CFAP61: variants seen among roughly 807,000 people sequenced by gnomAD.
CFAP61 encodes the protein cilia- and flagella-associated protein 61.
In CFAP61, 107 loss-of-function variants were observed where a neutral mutation model predicts 135.6. The ratio of observed to expected loss-of-function variants is 0.79; its 90% CI spans 0.67 to 0.93. The LOEUF (loss-of-function observed/expected upper bound fraction) is 0.93, where lower values mean the gene tolerates loss of function less well. Ranked by LOEUF, CFAP61 falls within the 40% of genes least tolerant of loss-of-function variation. The probability of loss-of-function intolerance (pLI) is 0.00; values close to 1 mark genes in which losing one functional copy is unlikely to be tolerated. For synonymous variants in CFAP61, 575 were observed against 578.5 expected (o/e 0.99, Z 0.09); for missense variants, 1,507 against 1,556.2 (o/e 0.97, Z 0.53).
intron 8 of CFAP61, among the ~76,000 whole-genome samples, chr20:20,115,631 CTCTCCACCTTCATAGA>C (rs1372124496): frequency 6.6e-6 from 1 of 152,138 alleles, no homozygotes; most frequent in African/African-American, 2.4e-5. Context: ...CACCAATCTA[CTCTCCACCTTCATAGA>C]TCCATTTTTT....
At chr20:20,074,254 C>A (rs2045912600) in intron 3 of CFAP61, 48 bp from the exon 4 acceptor site, 2 of 1,520,374 alleles carry the variant, frequency 1.3e-6, no homozygotes, top group Non-Finnish European at 1.8e-6. Flanking sequence ...GCTGACCTAG[C>A]CCGAATACTG....
intron 25 of CFAP61, among the ~76,000 whole-genome samples, chr20:20,313,750 G>A (rs2056958867): frequency 6.6e-6 from 1 of 152,200 alleles, no homozygotes; most frequent in African/African-American, 2.4e-5. Flanking sequence ...AATTTGTAAA[G>A]ACGAGGTTTA....
At chr20:20,090,688 C>CAA (rs138798717) in intron 6 of CFAP61, among the ~76,000 whole-genome samples, 156 bp from the exon 7 acceptor site, 21 of 102,886 alleles carry the variant, frequency 2.0e-4, no homozygotes, top group Non-Finnish European at 2.9e-4. Flanking sequence ...GACTCCCTCT[C>CAA]AAAAAAAAAA....
intron 8 of CFAP61, among the ~76,000 whole-genome samples, chr20:20,108,369 C>T (rs2048556175): frequency 6.6e-6 from 1 of 151,986 alleles, no homozygotes; most frequent in Non-Finnish European, 1.5e-5. Context: ...TAAAAATGAA[C>T]AAACAAAAAA....
intron 25 of CFAP61, among the ~76,000 whole-genome samples, chr20:20,340,575 T>C (rs2058403129): frequency 6.6e-6 from 1 of 151,800 alleles, no homozygotes; most frequent in Admixed American, 6.6e-5. Flanking sequence ...GAGCAGAGTT[T>C]AAAGGCGCCG....
At chr20:20,239,066 T>C (rs1461008197) in intron 18 of CFAP61, among the ~76,000 whole-genome samples, 1 of 152,210 alleles carries the variant, frequency 6.6e-6, no homozygotes, top group East Asian at 1.9e-4. Flanking sequence ...ATCTGAGCTT[T>C]ATCTGTGGTT....
intron 16 of CFAP61, among the ~76,000 whole-genome samples, chr20:20,197,623 A>T (rs980302262): frequency 6.6e-6 from 1 of 150,836 alleles, no homozygotes; most frequent in Non-Finnish European, 1.5e-5. Context: ...ACATATACTC[A>T]CCCCCCTCCC....
chr20:20,331,476 A>T (rs1289218278), intron 25 of CFAP61, among the ~76,000 whole-genome samples: 2 of 110,688 alleles, frequency 1.8e-5, no homozygotes, highest in Non-Finnish European at 3.7e-5. Flanking sequence ...ATTTGCTGAA[A>T]GAGAATTATT....
chr20:20,244,929 A>G (rs2050322960), intron 18 of CFAP61, among the ~76,000 whole-genome samples: 1 of 152,340 alleles, frequency 6.6e-6, no homozygotes, highest in Admixed American at 6.5e-5. Context: ...ACAAATCTCT[A>G]GGGCAGGGGC....
At chr20:20,139,798 G>C (rs371941259) in intron 8 of CFAP61, among the ~76,000 whole-genome samples, 1 of 152,206 alleles carries the variant, frequency 6.6e-6, no homozygotes, top group South Asian at 2.1e-4. Flanking sequence ...ACCATTGACA[G>C]TTAAGTCACC....
In CFAP61 at chr20:20,277,388, G is replaced by C. The variant is rs374076307; in HGVS notation, c.2726G>C (p.Gly909Ala). The C allele has an allele frequency of 3.1e-6, 5 of 1,614,058 alleles. No individual in the cohort carries two copies. The highest frequency in any genetic ancestry group is 4.2e-6 in the Non-Finnish European group (5 of 1,180,030). ...GCGATCCTGGCCCAGTGGAATGACG[G>C]CCTGCACCCAGACCCCATCTACAGC... is the stretch of plus-strand genomic sequence containing the variant. Reference protein sequence around the residue: ...RDAILAQWNDGLHPDPIYSAS... With the variant: ...RDAILAQWNDALHPDPIYSAS... The change falls in exon 22 of 27, where the codon GGC (glycine) becomes GCC (alanine). Residue 909 changes from glycine to alanine, a missense_variant. Physicochemically the swap from Gly to Ala is moderately conservative, Grantham distance 60. Transcript: ENST00000245957.
chr20:20,270,719 AC>A (rs2053272746), intron 21 of CFAP61, among the ~76,000 whole-genome samples: 1 of 148,080 alleles, frequency 6.8e-6, no homozygotes, highest in Non-Finnish European at 1.5e-5. Context: ...TGTCTCTGTC[AC>A]CCCCCAGTGG....
chr20:20,098,698 T>A lies in CFAP61; in HGVS notation c.743T>A (p.Val248Glu). 1 of 1,610,204 alleles carries A rather than the reference T, an allele frequency of 6.2e-7. No individual in the cohort carries two copies. Among genetic ancestry groups the A allele is most frequent in the Non-Finnish European group, 8.5e-7 (1 of 1,179,294 alleles). ...GGGTTCATGAGTGTGTGCTCAAGAGTGAACATGCAACTGCTGCATGAGTGC... is the reference window on the plus strand; with the variant it reads ...GGGTTCATGAGTGTGTGCTCAAGAGAGAACATGCAACTGCTGCATGAGTGC... ...AVGFMSVCSR[V>E]NMQLLHECFD... The change falls in exon 8 of 27, where the codon GTG becomes GAG. Residue 248 changes from valine to glutamate, a missense_variant. Val to Glu is a moderately radical substitution (Grantham distance 121). Transcript: ENST00000245957.
chr20:20,342,606 G>A (rs557070683), intron 26 of CFAP61, among the ~76,000 whole-genome samples: 8 of 152,302 alleles, frequency 5.3e-5, no homozygotes, highest in African/African-American at 1.4e-4. Context: ...AAGTGCCGGG[G>A]CCTGGGTTAG....
At chr20:20,340,534 A>T (rs1253472461) in intron 25 of CFAP61, among the ~76,000 whole-genome samples, 2 of 152,116 alleles carry the variant, frequency 1.3e-5, no homozygotes, top group Non-Finnish European at 2.9e-5. Context: ...TCTGAAGCAG[A>T]CGATGAAGGG....
chr20:20,296,308 TTCCTTCCC>T lies in CFAP61; in HGVS notation c.3217-1865_3217-1858del, dbSNP rs202034707. ...TCCCTTCCCTCCTTCCCTTCCTTCC[TTCCTTCCC>T]TCCTTCCTTCCCTTCCTTCCTTCCT... is the stretch of plus-strand genomic sequence containing the variant. On this transcript the variant is annotated intron_variant, in intron 24 of 26. Coordinates refer to ENST00000245957, the MANE Select transcript of CFAP61 (RefSeq NM_015585.4). 3.4e-3 allele frequency among the ~76,000 whole-genome samples: 287 copies of T among 85,190 alleles called. 11 individuals carry two copies. Among genetic ancestry groups the T allele is most frequent in the Admixed American group, 0.027 (215 of 7,824 alleles). 55.9% of individuals were successfully genotyped at this position (85,190 alleles called of 152,430 possible).
chr20:20,123,222 T>C (rs193077580), intron 8 of CFAP61, among the ~76,000 whole-genome samples: 1 of 151,902 alleles, frequency 6.6e-6, no homozygotes, highest in African/African-American at 2.4e-5. Context: ...CTGTAGGTTG[T>C]CTGTTTATTC....
At chr20:20,060,875 G>C (rs2044748055) in intron 2 of CFAP61, among the ~76,000 whole-genome samples, 1 of 152,200 alleles carries the variant, frequency 6.6e-6, no homozygotes, top group Non-Finnish European at 1.5e-5. Flanking sequence ...CCTCTGCTGA[G>C]CTCCCCGCTA....
Position 20,277,148 on chromosome 20 carries a change from T to G in CFAP61, c.2504-18T>G. The G allele has an allele frequency of 6.3e-7, 1 of 1,583,850 alleles. No individual in the cohort carries two copies. Among genetic ancestry groups the G allele is most frequent in the Non-Finnish European group, 8.6e-7 (1 of 1,158,754 alleles). On this transcript the variant is annotated intron_variant, in intron 21 of 26. Transcript: ENST00000245957. ...GTTTTCTGAACTGTATATCTTAGCGTTTTCCCTTCTTTCCTAGGGAATATC... is the reference window on the plus strand; with the variant it reads ...GTTTTCTGAACTGTATATCTTAGCGGTTTCCCTTCTTTCCTAGGGAATATC...
Sources: allele counts gnomAD v4.1 joint callset (sites outside exome capture counted in the v4.1 genomes callset), GRCh38; gene constraint gnomAD v4.1.1; transcripts MANE v1.5; gene names NCBI Gene and HGNC (gene_info 2026-07-23, HGNC 2026-07-21).